The following LHFPL2 variants were observed in gnomAD, a reference collection of about 807,000 sequenced individuals.
LHFPL2 encodes the protein LHFPL tetraspan subfamily member 2 protein.
A neutral mutation model predicts 17.5 loss-of-function variants in LHFPL2; 7 were observed. The observed-to-expected ratio is 0.40, with a 90% confidence interval of 0.23 to 0.75. The LOEUF is 0.75. Ranked by LOEUF, LHFPL2 falls within the 30% of genes least tolerant of loss-of-function variation. LHFPL2 has a pLI of 0.37. For missense variants in LHFPL2, 241 were observed against 294.8 expected, an observed-to-expected ratio of 0.82 and a Z score of 1.34; for synonymous variants, 134 against 116.2, an observed-to-expected ratio of 1.15 and a Z score of -0.99.
intron 3 of LHFPL2, among the ~76,000 whole-genome samples, chr5:78,521,535 A>T (rs74900885): frequency 0.039 from 5,874 of 152,260 alleles, 340 homozygotes; most frequent in African/African-American, 0.13. Context: ...AAATTTTTTT[A>T]AAAAAATTTT....
At chr5:78,519,217 GA>G (rs1755377313) in intron 3 of LHFPL2, among the ~76,000 whole-genome samples, 1 of 152,060 alleles carries the variant, frequency 6.6e-6, no homozygotes, top group African/African-American at 2.4e-5. Context: ...AACTAGACTG[GA>G]TTTTGGTTAG....
intron 2 of LHFPL2, among the ~76,000 whole-genome samples, chr5:78,595,205 G>A (rs1743783373): frequency 6.6e-6 from 1 of 152,138 alleles, no homozygotes; most frequent in South Asian, 2.1e-4. Flanking sequence ...CAGGACGTGG[G>A]GATTCTCCTT....
At chr5:78,564,188 G>C (rs1049450054) in intron 3 of LHFPL2, among the ~76,000 whole-genome samples, 7 of 152,094 alleles carry the variant, frequency 4.6e-5, no homozygotes, top group African/African-American at 1.7e-4. Flanking sequence ...GAGAAGCAGG[G>C]CTGGATCAAA....
intron 2 of LHFPL2, among the ~76,000 whole-genome samples, chr5:78,626,852 AG>A (rs1438588936): frequency 1.3e-5 from 2 of 151,996 alleles, no homozygotes; most frequent in Non-Finnish European, 2.9e-5. Context: ...AGGCCGAGAC[AG>A]AAAGATCACC....
intron 1 of LHFPL2, among the ~76,000 whole-genome samples, chr5:78,639,684 G>A (rs535045364): frequency 6.6e-6 from 1 of 152,204 alleles, no homozygotes; most frequent in African/African-American, 2.4e-5. Flanking sequence ...TGTGAGCCAT[G>A]TTTTTCTTAC....
intron 2 of LHFPL2, among the ~76,000 whole-genome samples, chr5:78,584,329 A>G (rs1243914677): frequency 6.6e-6 from 1 of 152,218 alleles, no homozygotes; most frequent in East Asian, 1.9e-4. Flanking sequence ...CTGGTGAGGA[A>G]CTGCATTCCT....
At chr5:78,525,586 A>C (rs1468749226) in intron 3 of LHFPL2, among the ~76,000 whole-genome samples, 1 of 152,232 alleles carries the variant, frequency 6.6e-6, no homozygotes, top group African/African-American at 2.4e-5. Flanking sequence ...ATTAACACTC[A>C]CCTTGATAAA....
At chr5:78,638,674 C>T (rs1439528503) in intron 1 of LHFPL2, among the ~76,000 whole-genome samples, 2 of 152,174 alleles carry the variant, frequency 1.3e-5, no homozygotes, top group Non-Finnish European at 2.9e-5. Flanking sequence ...ACTAAGAGGA[C>T]TGGAGGAGAA....
chr5:78,572,987 G>A (rs2112428936), intron 2 of LHFPL2, among the ~76,000 whole-genome samples: 1 of 152,332 alleles, frequency 6.6e-6, no homozygotes, highest in Middle Eastern at 3.4e-3. Flanking sequence ...CTGCTGAGCT[G>A]ACAGAAGGTG....
intron 4 of LHFPL2, chr5:78,494,278 G>C (rs554461994): frequency 5.4e-6 from 4 of 747,088 alleles, no homozygotes; most frequent in South Asian, 1.2e-4. Flanking sequence ...AGAAGAAATG[G>C]GGGGGAGAAT....
rs148813572 is a variant in LHFPL2, at chr5:78,504,764, C to T, written c.430+5020G>A. ...AGCCTGCATACACCAGGCCCTTCACCGCCACTGCCAGCGCCATTCCCACGA... is the reference window on the plus strand; with the variant it reads ...AGCCTGCATACACCAGGCCCTTCACTGCCACTGCCAGCGCCATTCCCACGA... On this transcript the variant is annotated intron_variant, in intron 4 of 4. Transcript: ENST00000380345. Among the ~76,000 whole-genome samples the T allele has an allele frequency of 9.7e-3, 1,480 of 152,320 alleles. 11 individuals are homozygous for T. The highest frequency in any genetic ancestry group is 0.054 in the South Asian group (260 of 4,830).
At chr5:78,584,882 C>A (rs777330559) in intron 2 of LHFPL2, among the ~76,000 whole-genome samples, 125 of 152,208 alleles carry the variant, frequency 8.2e-4, no homozygotes, top group Non-Finnish European at 1.6e-3. Flanking sequence ...CCTCCCCCAG[C>A]CTCGCTGCCG....
chr5:78,513,545 G>A (rs139484162), intron 3 of LHFPL2, among the ~76,000 whole-genome samples: 5 of 152,278 alleles, frequency 3.3e-5, no homozygotes, highest in African/African-American at 7.2e-5. Context: ...AGGCTTCCTG[G>A]GGGTGGTGAT....
chr5:78,573,258 G>A (rs1384775271), intron 2 of LHFPL2, among the ~76,000 whole-genome samples: 4 of 152,066 alleles, frequency 2.6e-5, no homozygotes, highest in African/African-American at 9.7e-5. Flanking sequence ...CAATCCATGA[G>A]GAGAAAAACT....
intron 2 of LHFPL2, among the ~76,000 whole-genome samples, chr5:78,581,277 C>A (rs891778109): frequency 1.3e-5 from 2 of 152,172 alleles, no homozygotes; most frequent in African/African-American, 2.4e-5. Flanking sequence ...ATTGAATACC[C>A]TTTATTTCCT....
intron 2 of LHFPL2, among the ~76,000 whole-genome samples, chr5:78,592,727 TACACACACACAC>T (rs61193086): frequency 3.2e-5 from 1 of 30,862 alleles, no homozygotes; most frequent in Admixed American, 2.3e-4. Flanking sequence ...AAAATTCAGA[TACACACACACAC>T]ACACACACAC....
At chr5:78,537,271 C>T (rs1755977495) in intron 3 of LHFPL2, among the ~76,000 whole-genome samples, 1 of 152,162 alleles carries the variant, frequency 6.6e-6, no homozygotes, top group African/African-American at 2.4e-5. Context: ...GGCATTCCAC[C>T]CACCTGGCTG....
At chr5:78,618,439 C>T (rs764403715) in intron 2 of LHFPL2, among the ~76,000 whole-genome samples, 26 of 152,254 alleles carry the variant, frequency 1.7e-4, no homozygotes, top group Middle Eastern at 3.4e-3. Context: ...AGCATTCGGC[C>T]GGTGGACGGG....
chr5:78,514,460 G>C (rs575220370), intron 3 of LHFPL2, among the ~76,000 whole-genome samples: 26 of 152,164 alleles, frequency 1.7e-4, no homozygotes, highest in Non-Finnish European at 2.8e-4. Context: ...GTGGGAGTCA[G>C]TCCTATGTAC....
Sources: allele counts gnomAD v4.1 joint callset (sites outside exome capture counted in the v4.1 genomes callset), GRCh38; gene constraint gnomAD v4.1.1; transcripts MANE v1.5; gene names NCBI Gene and HGNC (gene_info 2026-07-23, HGNC 2026-07-21).